The following DCHS1 variants were observed in gnomAD, a reference collection of about 807,000 sequenced individuals.
DCHS1 encodes the protein protocadherin-16.
A neutral mutation model predicts 213.9 loss-of-function variants in DCHS1; 78 were observed. The ratio of observed to expected loss-of-function variants is 0.36; its 90% CI spans 0.30 to 0.44. DCHS1 has a LOEUF of 0.44. Among genes scored for constraint, DCHS1 ranks in the 20% least tolerant of loss-of-function variants. DCHS1 has a pLI of 1.00. For missense variants in DCHS1, 3,946 were observed against 4,395.9 expected (o/e 0.90, Z 2.89); for synonymous variants, 1,828 against 1,873.7 (o/e 0.98, Z 0.63).
In DCHS1 at chr11:6,624,716, T is replaced by C. The variant is rs975023322; in HGVS notation, c.7285+14A>G. The C allele has an allele frequency of 4.3e-6, 7 of 1,613,710 alleles. No homozygotes were observed. The African/African-American group carries it at 9.3e-5, about 22-fold the overall frequency. On this transcript the variant is annotated intron_variant, in intron 20 of 20. Transcript: ENST00000299441. Reference sequence around the variant, plus strand: ...ACAGTCAAAGGCAAGGGGCAGATCCTGGGAAAGACGCACCATTGTTGGGGT... The same window carrying C: ...ACAGTCAAAGGCAAGGGGCAGATCCCGGGAAAGACGCACCATTGTTGGGGT...
intron 1 of DCHS1, among the ~76,000 whole-genome samples, chr11:6,653,078 C>G (rs1856267777): frequency 6.6e-6 from 1 of 152,132 alleles, no homozygotes; most frequent in Non-Finnish European, 1.5e-5. Flanking sequence ...CTCCATTATT[C>G]TTGGGTTAAA....
Position 6,626,711 on chromosome 11 carries a change from G to C in DCHS1, c.6251-46C>G, listed in dbSNP as rs201659162. Reference sequence around the variant, plus strand: ...TTGGACTGTGAGCGCGAGACTGGGAGAGTTTGGGGGACATTTTCAAAGCAC... The same window carrying C: ...TTGGACTGTGAGCGCGAGACTGGGACAGTTTGGGGGACATTTTCAAAGCAC... On this transcript the variant is annotated intron_variant, in intron 14 of 20. Coordinates refer to ENST00000299441, the MANE Select transcript of DCHS1 (RefSeq NM_003737.4). The surrounding 1 kb of genome is among the most constrained non-coding windows in gnomAD (Gnocchi z 5.2). The C allele has an allele frequency of 1.2e-6, 2 of 1,611,070 alleles. No individual in the cohort carries two copies. Among genetic ancestry groups the C allele is most frequent in the African/African-American group, 2.7e-5 (2 of 75,016 alleles).
rs367654026 is a variant in DCHS1 at position 6,626,807 on chromosome 11, G to C, written c.6232C>G (p.Arg2078Gly). ...GACCCACCTGGGGGCGCATTCTCAC[G>C]AATCGTAGCCTCACTGCTAGCCCGG... is the stretch of plus-strand genomic sequence containing the variant. ...FPRASSEATIRENAPPGTPIV... is the reference protein window; with the variant it reads ...FPRASSEATIGENAPPGTPIV... The change falls in exon 14 of 21, where the codon CGT (arginine) becomes GGT (glycine). Residue 2078 changes from arginine (R) to glycine (G), a missense_variant. Coordinates refer to ENST00000299441, the MANE Select transcript of DCHS1 (RefSeq NM_003737.4). The surrounding 1 kb of genome is among the most constrained non-coding windows in gnomAD (Gnocchi z 5.2). 1.2e-6 allele frequency: 2 copies of C among 1,612,354 alleles called. No individual in the cohort carries two copies. Among genetic ancestry groups the C allele is most frequent in the South Asian group, 2.2e-5 (2 of 91,074 alleles).
chr11:6,623,302 T>G lies in DCHS1; in HGVS notation c.8374A>C (p.Asn2792His). 1 of 1,590,304 alleles carries G rather than the reference T, an allele frequency of 6.3e-7. No individual in the cohort carries two copies. Among genetic ancestry groups the G allele is most frequent in the South Asian group, 1.1e-5 (1 of 87,478 alleles). Reference sequence around the variant, plus strand: ...GACACAGTGACAGAGGCTGAGAGATTCCCAGCATCAGCAGCACCCACCAGC... The same window carrying G: ...GACACAGTGACAGAGGCTGAGAGATGCCCAGCATCAGCAGCACCCACCAGC... The part of the protein sequence containing the change: ...RLLVGAADAG[N>H]LSASVTVSVL... The change falls in exon 21 of 21, where the codon AAT (asparagine) becomes CAT (histidine). Residue 2792 changes from asparagine to histidine, a missense_variant. Transcript: ENST00000299441.
chr11:6,631,044 C>T lies in DCHS1; in HGVS notation c.3930+9G>A, dbSNP rs1333796692. On this transcript the variant is annotated intron_variant, in intron 9 of 20. Transcript: ENST00000299441. ...CAGCGGTAGCCAAGGGGAGGAAGGGCAGCCATACCTGCACCAGCAGCTGGA... is the reference window on the plus strand; with the variant it reads ...CAGCGGTAGCCAAGGGGAGGAAGGGTAGCCATACCTGCACCAGCAGCTGGA... 5 of 1,593,244 alleles carry T rather than the reference C, an allele frequency of 3.1e-6. No individual in the cohort carries two copies. Among genetic ancestry groups the T allele is most frequent in the Non-Finnish European group, 3.4e-6 (4 of 1,169,534 alleles).
At chr11:6,647,849 G>T (rs1856187129) in intron 1 of DCHS1, among the ~76,000 whole-genome samples, 1 of 152,184 alleles carries the variant, frequency 6.6e-6, no homozygotes, top group Non-Finnish European at 1.5e-5. Flanking sequence ...AAAAGGAAGA[G>T]AATCTGGAGG....
intron 1 of DCHS1, among the ~76,000 whole-genome samples, chr11:6,649,539 A>G (rs1181904812): frequency 1.3e-5 from 2 of 152,046 alleles, no homozygotes; most frequent in South Asian, 2.1e-4. Context: ...CGTAGGGTAC[A>G]CATGTGAAGT....
Position 6,632,410 on chromosome 11 carries a change from A to G in DCHS1, c.3102T>C (p.Tyr1034=). The G allele has an allele frequency of 6.2e-7, 1 of 1,613,082 alleles. No homozygotes were observed. Among genetic ancestry groups the G allele is most frequent in the Non-Finnish European group, 8.5e-7 (1 of 1,179,302 alleles). The change falls in exon 6 of 21, where the codon TAT becomes TAC. Residue 1034 remains tyrosine (Y), a synonymous_variant. Coordinates refer to ENST00000299441, the MANE Select transcript of DCHS1 (RefSeq NM_003737.4). The surrounding 1 kb of genome is among the most constrained non-coding windows in gnomAD (Gnocchi z 5.9). ...TACTTGCTCCCTCTGCTGCAAGGTG[A>G]TAGGTGATAGGGCCCCCATCTGGTG... ...AQAPDGGPIT[Y]HLAAEGASSP...
At position 6,623,329 on chromosome 11, in the gene DCHS1, G is replaced by T. The variant is rs761669414; in HGVS notation, c.8347C>A (p.Leu2783Met). Residue 2783 changes from leucine to methionine, a missense_variant, in exon 21 of 21, where the codon CTG becomes ATG. Leu to Met is a conservative substitution (Grantham distance 15). Transcript: ENST00000299441. ...CCAGCATCAGCAGCACCCACCAGCA[G>T]CCGGAAGCTTTCTGTGTGCTCATAG... ...FDYEHTESFR[L>M]LVGAADAGNL... is the part of the protein sequence containing the mutation. 1 of 1,593,734 alleles carries T rather than the reference G, an allele frequency of 6.3e-7. No homozygotes were observed. The highest frequency in any genetic ancestry group is 1.7e-5 in the Admixed American group (1 of 57,210).
intron 1 of DCHS1, among the ~76,000 whole-genome samples, chr11:6,646,291 G>C (rs1009028429): frequency 6.6e-6 from 1 of 152,160 alleles, no homozygotes; most frequent in African/African-American, 2.4e-5. Context: ...TGCGGCTGCA[G>C]CTGTGACCTC....
chr11:6,624,091 G>A lies in DCHS1; in HGVS notation c.7585C>T (p.Arg2529Ter), dbSNP rs1827868832. 1.9e-6 allele frequency: 3 copies of A among 1,612,086 alleles called. No homozygotes were observed. The highest frequency in any genetic ancestry group is 2.5e-6 in the Non-Finnish European group (3 of 1,179,234). ...AGCCTGGGTTCCAGCTGGAAGACTC[G>A]GCCCCAGTTGCCACTGATGATGCTG... ...DYSIISGNWG[R>*]VFQLEPRLAE... The change falls in exon 21 of 21, where the codon CGA (arginine) becomes TGA (stop). Residue 2529 changes from arginine (R) to a stop codon, truncating the protein, a stop_gained. Transcript: ENST00000299441. LOFTEE classifies it high-confidence loss of function.
Position 6,625,006 on chromosome 11 carries a change from T to G in DCHS1, c.7147-138A>C. 5.7e-6 allele frequency: 8 copies of G among 1,411,444 alleles called. No individual in the cohort carries two copies. The highest frequency in any genetic ancestry group is 7.7e-6 in the Non-Finnish European group (8 of 1,039,626). 87.4% of individuals were successfully genotyped at this position (1,411,444 alleles called of 1,614,324 possible). ...GAGCCCCTACTCCTAAGTATTCGAATGGGAAATGCCCACCTTCTCCCCTTT... is the reference window on the plus strand; with the variant it reads ...GAGCCCCTACTCCTAAGTATTCGAAGGGGAAATGCCCACCTTCTCCCCTTT... On this transcript the variant is annotated intron_variant, in intron 19 of 20. Transcript: ENST00000299441. This position sits in a 1 kb window ranked among gnomAD's most constrained non-coding sequence, Gnocchi z 5.3.
Position 6,633,985 on chromosome 11 carries a change from A to T in DCHS1, c.2022T>A (p.Phe674Leu), listed in dbSNP as rs771104448. Residue 674 changes from phenylalanine to leucine, a missense_variant, in exon 4 of 21, where the codon TTT becomes TTA. Phe to Leu is a conservative substitution (Grantham distance 22). Around this residue, in one of 3 missense-constraint regions of DCHS1, gnomAD observed 3,384 missense variants for 3,780.1 expected, o/e 0.90. Coordinates refer to ENST00000299441, the MANE Select transcript of DCHS1 (RefSeq NM_003737.4). ...GAGGGTTGTCATTCTCGTCTGACAG[A>T]AACACCTTCACATATACCATGGACT... Reference protein sequence around the residue: ...GLKSMVYVKVFLSDENDNPPQ... With the variant: ...GLKSMVYVKVLLSDENDNPPQ... 12 of 1,613,888 alleles carry T rather than the reference A, an allele frequency of 7.4e-6. No individual in the cohort carries two copies. In the East Asian group the frequency reaches 2.7e-4, roughly 36 times the overall value.
In DCHS1 at chr11:6,625,234, A is replaced by G. The variant is rs201129236; in HGVS notation, c.7110T>C (p.Asn2370=). 6.2e-7 allele frequency: 1 copy of G among 1,608,766 alleles called. No individual in the cohort carries two copies. The highest frequency in any genetic ancestry group is 1.3e-5 in the African/African-American group (1 of 74,870). Residue 2370 remains asparagine (N), a synonymous_variant, in exon 19 of 21, where the codon AAT becomes AAC. Coordinates refer to ENST00000299441, the MANE Select transcript of DCHS1 (RefSeq NM_003737.4). The surrounding 1 kb of genome is among the most constrained non-coding windows in gnomAD (Gnocchi z 5.3). The stretch of plus-strand genomic sequence containing the variant: ...TCTGTGAGAAGGCAGGTGCATTGTC[A>G]TTGACATCCTCCACAAGCACTGTGA... The part of the protein sequence containing the change: ...ANLTVLVEDV[N]DNAPAFSQSL...
In DCHS1 at chr11:6,629,687, T is replaced by C. The variant is rs774854141; in HGVS notation, c.5020A>G (p.Thr1674Ala). 6.2e-7 allele frequency: 1 copy of C among 1,613,666 alleles called. No individual in the cohort carries two copies. The highest frequency in any genetic ancestry group is 1.7e-5 in the Admixed American group (1 of 59,964). Residue 1674 changes from threonine (T) to alanine (A), a missense_variant, in exon 11 of 21, where the codon ACC becomes GCC. Physicochemically the swap from Thr to Ala is moderately conservative, Grantham distance 58. Transcript: ENST00000299441. ...PGTSLLTLRA[T>A]DPDVGANGQV... ...CAGGTCTTACCCACGTCGGGGTCGG[T>C]TGCTCGCAGGGTGAGCAGAGATGTG... is the stretch of plus-strand genomic sequence containing the variant.
Position 6,632,079 on chromosome 11 carries a change from G to T in DCHS1, c.3433C>A (p.Gln1145Lys). 1.3e-6 allele frequency: 2 copies of T among 1,535,908 alleles called. No individual in the cohort carries two copies. Among genetic ancestry groups the T allele is most frequent in the Non-Finnish European group, 1.8e-6 (2 of 1,139,406 alleles). Residue 1145 changes from glutamine (Q) to lysine (K), a missense_variant, in exon 6 of 21, where the codon CAA becomes AAA. By Grantham distance (53) the Gln-to-Lys change is moderately conservative (BLOSUM62 1). Coordinates refer to ENST00000299441, the MANE Select transcript of DCHS1 (RefSeq NM_003737.4). This position sits in a 1 kb window ranked among gnomAD's most constrained non-coding sequence, Gnocchi z 5.9. ...GCCTTGCTGTCTTCAGACAGCTGTT[G>T]CAGGCTGTAGGTCAGACGTCCATTG... ...GPNGRLTYSL[Q>K]QLSEDSKAFR...
chr11:6,640,348 A>G lies in DCHS1; in HGVS notation c.1266T>C (p.Tyr422=). The change falls in exon 2 of 21, where the codon TAT becomes TAC. Residue 422 remains tyrosine, a synonymous_variant. Transcript: ENST00000299441. This position sits in a 1 kb window ranked among gnomAD's most constrained non-coding sequence, Gnocchi z 6.5. ...CCAGCCGCCGAGCCACACACACCAG[A>G]TAGATGACGCTGTCTTGGGTGCTTA... ...FALSTQDSVI[Y]LVCVARRLDR... 1.2e-6 allele frequency: 2 copies of G among 1,612,802 alleles called. No individual in the cohort carries two copies. The highest frequency in any genetic ancestry group is 1.7e-6 in the Non-Finnish European group (2 of 1,179,350).
chr11:6,653,259 C>T (rs902596128), intron 1 of DCHS1, among the ~76,000 whole-genome samples: 8 of 152,150 alleles, frequency 5.3e-5, no homozygotes, highest in South Asian at 2.1e-4. Flanking sequence ...CATGCTGCTC[C>T]CTTGGCTTGG....
At chr11:6,652,598 A>G (rs1402195657) in intron 1 of DCHS1, among the ~76,000 whole-genome samples, 1 of 152,174 alleles carries the variant, frequency 6.6e-6, no homozygotes, top group African/African-American at 2.4e-5. Flanking sequence ...TCCCTGTGGA[A>G]GAGGAAGGGG....
Sources: allele counts gnomAD v4.1 joint callset (sites outside exome capture counted in the v4.1 genomes callset), GRCh38; gene constraint gnomAD v4.1.1; regional missense constraint gnomAD v4.1.1; non-coding constraint Gnocchi (gnomAD v3.1); transcripts MANE v1.5; gene names NCBI Gene and HGNC (gene_info 2026-07-23, HGNC 2026-07-21).